Variants in ROBO2 observed in about 807,000 individuals in gnomAD.
The protein encoded by ROBO2 is roundabout guidance receptor 2, also known as roundabout homolog 2.
ROBO2 carries 53 observed loss-of-function variants against 160.8 expected under a neutral mutation model. The observed-to-expected ratio is 0.33, with a 90% CI of 0.26 to 0.41. ROBO2 has a LOEUF of 0.41. Ranked by LOEUF, ROBO2 falls within the 10% of genes least tolerant of loss-of-function variation. ROBO2 has a pLI of 1.00. For synonymous variants in ROBO2, 664 were observed against 611.7 expected, an observed-to-expected ratio of 1.09 and a Z score of -1.26; for missense variants, 1,577 against 1,722.4, an observed-to-expected ratio of 0.92 and a Z score of 1.49.
intron 2 of ROBO2, among the ~76,000 whole-genome samples, chr3:76,020,825 T>A (rs998409707): frequency 3.3e-5 from 5 of 151,914 alleles, no homozygotes; most frequent in Non-Finnish European, 5.9e-5. Context: ...TGTTAAAGTG[T>A]GAATCTATTC....
chr3:76,242,833 G>A (rs1385888982), intron 2 of ROBO2, among the ~76,000 whole-genome samples: 1 of 152,094 alleles, frequency 6.6e-6, no homozygotes, highest in Non-Finnish European at 1.5e-5. Flanking sequence ...GCAGTGACCC[G>A]TGATAGTGCC....
rs2092727081 is a variant in ROBO2, at chr3:76,688,340, TA to T, written c.110-409673del. On this transcript the variant is annotated intron_variant, in intron 2 of 26. Transcript: ENST00000487694. ...AACATGGTTAGGTGATTTTTTAAGA[TA>T]GGGGTTTGATAAGTTACACAAGCCA... Among the ~76,000 whole-genome samples the T allele has an allele frequency of 2.6e-5, 4 of 151,866 alleles. No homozygotes were observed. In the South Asian group the frequency reaches 8.3e-4, roughly 32 times the overall value.
intron 5 of ROBO2, among the ~76,000 whole-genome samples, 157 bp from the exon 6 acceptor site, chr3:77,522,618 C>A (rs757017512): frequency 9.9e-5 from 15 of 151,142 alleles, no homozygotes; most frequent in Non-Finnish European, 2.1e-4. Context: ...TTAGCAATAT[C>A]TTTAATCTAA....
intron 2 of ROBO2, among the ~76,000 whole-genome samples, chr3:77,312,072 C>T (rs997300143): frequency 3.3e-5 from 5 of 151,612 alleles, no homozygotes; most frequent in Admixed American, 6.6e-5. Context: ...GGCGACACAG[C>T]GAGATTACAT....
At chr3:77,298,083 C>T (rs939157353) in intron 2 of ROBO2, among the ~76,000 whole-genome samples, 1 of 152,106 alleles carries the variant, frequency 6.6e-6, no homozygotes, top group Non-Finnish European at 1.5e-5. Context: ...TCATTGGATC[C>T]ATCAAAGGAT....
intron 1 of ROBO2, among the ~76,000 whole-genome samples, chr3:77,041,364 A>G (rs2064072056): frequency 6.6e-6 from 1 of 152,192 alleles, no homozygotes; most frequent in African/African-American, 2.4e-5. Context: ...AAGAATTTAG[A>G]TCCTAGGGAG....
At chr3:76,881,302 G>C in intron 2 of ROBO2, among the ~76,000 whole-genome samples, 1 of 152,234 alleles carries the variant, frequency 6.6e-6, no homozygotes, top group Middle Eastern at 3.4e-3. Flanking sequence ...AATCAAAGAA[G>C]GTAAATGTAT....
At chr3:76,388,294 C>A (rs2076987761) in intron 2 of ROBO2, among the ~76,000 whole-genome samples, 1 of 147,718 alleles carries the variant, frequency 6.8e-6, no homozygotes, top group East Asian at 2.0e-4. Flanking sequence ...TTTTTTTAGA[C>A]GGAGTCTTGC....
intron 2 of ROBO2, among the ~76,000 whole-genome samples, chr3:76,639,228 A>G (rs560400435): frequency 5.9e-5 from 9 of 152,174 alleles, no homozygotes; most frequent in African/African-American, 2.2e-4. Flanking sequence ...ACATATTTAC[A>G]TATACAGACG....
chr3:77,578,116 C>G (rs1040285423), intron 15 of ROBO2, among the ~76,000 whole-genome samples: 1 of 151,926 alleles, frequency 6.6e-6, no homozygotes, highest in Non-Finnish European at 1.5e-5. Flanking sequence ...TGAAAAAAAG[C>G]CACTGAACAT....
At chr3:77,306,215 T>C (rs1478136965) in intron 2 of ROBO2, among the ~76,000 whole-genome samples, 1 of 152,146 alleles carries the variant, frequency 6.6e-6, no homozygotes, top group Non-Finnish European at 1.5e-5. Flanking sequence ...TTGAATGTTT[T>C]AATAATCCTA....
chr3:77,411,843 T>G (rs2153522671), intron 2 of ROBO2, among the ~76,000 whole-genome samples: 1 of 152,332 alleles, frequency 6.6e-6, no homozygotes, highest in East Asian at 1.9e-4. Flanking sequence ...CCACTTTAAA[T>G]AATGTTTTTA....
intron 2 of ROBO2, among the ~76,000 whole-genome samples, chr3:76,672,534 G>A (rs2106692659): frequency 6.6e-6 from 1 of 152,258 alleles, no homozygotes; most frequent in Non-Finnish European, 1.5e-5. Context: ...TACGTATAAA[G>A]TATATGAGAA....
intron 2 of ROBO2, among the ~76,000 whole-genome samples, chr3:76,993,379 T>G (rs1372368227): frequency 6.6e-6 from 1 of 152,184 alleles, no homozygotes; most frequent in African/African-American, 2.4e-5. Flanking sequence ...GAGGAAATGA[T>G]CCCCAAAGTC....
intron 2 of ROBO2, among the ~76,000 whole-genome samples, chr3:76,238,342 C>A (rs1278809789): frequency 6.6e-6 from 1 of 152,210 alleles, no homozygotes; most frequent in East Asian, 1.9e-4. Context: ...CACGTGGTAG[C>A]AGGAGAGAGA....
At chr3:76,419,849 A>G (rs1577072620) in intron 2 of ROBO2, among the ~76,000 whole-genome samples, 1 of 152,188 alleles carries the variant, frequency 6.6e-6, no homozygotes, top group Admixed American at 6.5e-5. Context: ...TTGATATTCA[A>G]TGTGAAGCAA....
At chr3:76,807,840 A>T (rs2064854949) in intron 2 of ROBO2, among the ~76,000 whole-genome samples, 1 of 152,020 alleles carries the variant, frequency 6.6e-6, no homozygotes, top group African/African-American at 2.4e-5. Context: ...AGGCAGATAA[A>T]TTATGATGAG....
chr3:77,524,831 C>G (rs1202898442), intron 6 of ROBO2, among the ~76,000 whole-genome samples: 1 of 151,086 alleles, frequency 6.6e-6, no homozygotes, highest in African/African-American at 2.4e-5. Context: ...AGCCTCTCCC[C>G]TAATCTGTAT....
chr3:76,573,430 A>G (rs1468814358), intron 2 of ROBO2, among the ~76,000 whole-genome samples: 1 of 152,022 alleles, frequency 6.6e-6, no homozygotes, highest in Non-Finnish European at 1.5e-5. Flanking sequence ...ACTATTTACT[A>G]TCGATTAGAA....
Sources: allele counts gnomAD v4.1 joint callset (sites outside exome capture counted in the v4.1 genomes callset), GRCh38; gene constraint gnomAD v4.1.1; transcripts MANE v1.5; gene names NCBI Gene and HGNC (gene_info 2026-07-23, HGNC 2026-07-21).